ELOVL7: variants seen among roughly 807,000 people sequenced by gnomAD.
ELOVL7 encodes very long chain fatty acid elongase 7.
In ELOVL7, 27 loss-of-function variants were observed where a neutral mutation model predicts 35.7. The observed-to-expected ratio is 0.76, with a 90% CI of 0.56 to 1.04. The LOEUF (loss-of-function observed/expected upper bound fraction) is 1.04, where lower values mean the gene tolerates loss of function less well. Among genes scored for constraint, ELOVL7 ranks in the 50% least tolerant of loss-of-function variants. The pLI is 0.00. For missense variants in ELOVL7, 327 were observed against 340.8 expected (o/e 0.96, Z 0.32); for synonymous variants, 113 against 114.6 (o/e 0.99, Z 0.09).
chr5:60,760,040 G>A (rs1382132967), intron 7 of ELOVL7, among the ~76,000 whole-genome samples: 11 of 152,114 alleles, frequency 7.2e-5, no homozygotes, highest in African/African-American at 2.7e-4. Flanking sequence ...GTCTATCATT[G>A]TTGGACATTT....
chr5:60,839,021 CAA>C (rs34113793), intron 1 of ELOVL7, among the ~76,000 whole-genome samples: 105,502 of 146,146 alleles, frequency 0.72, 38,159 homozygotes, highest in East Asian at 0.85. Context: ...AAAACAGTGT[CAA>C]AAAAAAATAT....
Position 60,764,454 on chromosome 5 carries a change from T to A in ELOVL7, c.394-122A>T. On this transcript the variant is annotated intron_variant, in intron 6 of 8. Transcript: ENST00000508821. ...CATAATTTCCTCTAAAAGTGTTGCC[T>A]TATAGAATGCTTACAGAAGCAGCTA... The A allele has an allele frequency of 8.0e-6, 6 of 749,150 alleles. No individual in the cohort carries two copies. The South Asian group carries it at 1.2e-4, about 15-fold the overall frequency. The allele number at this position is 749,150 out of a possible 1,614,324, so 46.4% of individuals were successfully genotyped here.
At chr5:60,767,092 C>T (rs960468472) in intron 5 of ELOVL7, among the ~76,000 whole-genome samples, 1 of 152,014 alleles carries the variant, frequency 6.6e-6, no homozygotes, top group Non-Finnish European at 1.5e-5. Flanking sequence ...TTTGTTTATC[C>T]ATTTATCTTT....
intron 1 of ELOVL7, among the ~76,000 whole-genome samples, chr5:60,842,429 CAG>C (rs1302094682): frequency 1.4e-5 from 2 of 146,418 alleles, no homozygotes; most frequent in African/African-American, 5.0e-5. Flanking sequence ...ATGGAAAGCA[CAG>C]AATCTTAAGC....
At chr5:60,817,842 GTGTGTGTA>G (rs796887379) in intron 1 of ELOVL7, among the ~76,000 whole-genome samples, 1,664 of 144,858 alleles carry the variant, frequency 0.011, 22 homozygotes, top group South Asian at 0.042. Context: ...GTGTGTGTGT[GTGTGTGTA>G]TATATATATA....
intron 2 of ELOVL7, among the ~76,000 whole-genome samples, chr5:60,791,353 G>A (rs1272523824): frequency 1.3e-5 from 2 of 152,064 alleles, no homozygotes; most frequent in Non-Finnish European, 2.9e-5. Flanking sequence ...ATTAGACACT[G>A]GGGACTTCAA....
At chr5:60,834,290 C>T (rs748855519) in intron 1 of ELOVL7, among the ~76,000 whole-genome samples, 3 of 151,970 alleles carry the variant, frequency 2.0e-5, no homozygotes, top group Admixed American at 6.6e-5. Flanking sequence ...TACAGGTGCC[C>T]GCCACCACAC....
rs563274205 is a variant in ELOVL7, at chr5:60,760,734, T to C, written c.500-3089A>G. Among the ~76,000 whole-genome samples, 5 of 152,312 alleles carry C rather than the reference T, an allele frequency of 3.3e-5. No homozygotes were observed. The East Asian group carries it at 9.6e-4, about 29-fold the overall frequency. ...TTGCCCATGCCTATGTCCTGAATGG[T>C]AATGCTTAGGTTTTCTTCTAGGGTT... On this transcript the variant is annotated intron_variant, in intron 7 of 8. Coordinates refer to ENST00000508821, the MANE Select transcript of ELOVL7 (RefSeq NM_024930.3).
intron 7 of ELOVL7, among the ~76,000 whole-genome samples, chr5:60,760,030 G>A (rs1384263649): frequency 6.6e-6 from 1 of 152,124 alleles, no homozygotes; most frequent in Non-Finnish European, 1.5e-5. Context: ...TCCTAATCCA[G>A]TCTATCATTG....
intron 1 of ELOVL7, among the ~76,000 whole-genome samples, 183 bp downstream of exon 1, chr5:60,843,977 G>A (rs1194293526): frequency 6.6e-6 from 1 of 152,044 alleles, no homozygotes; most frequent in Non-Finnish European, 1.5e-5. Flanking sequence ...GCCCAGGGAG[G>A]GCCTGGCCCC....
At chr5:60,767,784 T>C (rs758054064) in intron 5 of ELOVL7, 39 bp downstream of exon 5, 54 of 1,509,270 alleles carry the variant, frequency 3.6e-5, no homozygotes, top group South Asian at 4.5e-5. Flanking sequence ...AATTTTAACA[T>C]TGATTTTGAA....
chr5:60,823,398 A>G (rs533496924), intron 1 of ELOVL7, among the ~76,000 whole-genome samples: 1 of 152,274 alleles, frequency 6.6e-6, no homozygotes, highest in East Asian at 1.9e-4. Context: ...TGCCTAATTG[A>G]CCTGCCTGGA....
chr5:60,790,669 C>A (rs1401205977), intron 2 of ELOVL7, among the ~76,000 whole-genome samples: 4 of 152,094 alleles, frequency 2.6e-5, no homozygotes, highest in Admixed American at 1.3e-4. Context: ...ATCTCTATAG[C>A]AAAGGTGTAA....
At chr5:60,803,747 T>C (rs928875358) in intron 1 of ELOVL7, among the ~76,000 whole-genome samples, 2 of 152,134 alleles carry the variant, frequency 1.3e-5, no homozygotes, top group Non-Finnish European at 2.9e-5. Context: ...CATCCCCCAA[T>C]AACAATGACA....
At chr5:60,799,899 T>C (rs7709444) in intron 1 of ELOVL7, among the ~76,000 whole-genome samples, 86,992 of 150,860 alleles carry the variant, frequency 0.58, 25,748 homozygotes, top group East Asian at 0.89. Context: ...TAGCCGGGCA[T>C]GGTGGCGCAT....
intron 4 of ELOVL7, among the ~76,000 whole-genome samples, chr5:60,770,958 C>T (rs557801555): frequency 7.7e-4 from 118 of 152,300 alleles, no homozygotes; most frequent in Middle Eastern, 6.8e-3. Context: ...CTTCAGCCTA[C>T]CAAAGTGCTG....
chr5:60,799,739 T>A (rs1008847302), intron 1 of ELOVL7, among the ~76,000 whole-genome samples: 4 of 152,098 alleles, frequency 2.6e-5, no homozygotes, highest in African/African-American at 9.7e-5. Context: ...TACCAAACAT[T>A]TAAAAAATAA....
chr5:60,799,413 G>T (rs149603268), intron 1 of ELOVL7, among the ~76,000 whole-genome samples, 183 bp from the exon 2 acceptor site: 2 of 151,906 alleles, frequency 1.3e-5, no homozygotes, highest in African/African-American at 4.8e-5. Flanking sequence ...TATCTAAAAA[G>T]TTCAACAAAA....
intron 3 of ELOVL7, chr5:60,783,984 G>A (rs1743414168): frequency 1.3e-5 from 8 of 617,206 alleles, no homozygotes; most frequent in East Asian, 1.1e-4. Flanking sequence ...CAGGCTGTCT[G>A]ACAGTCTATA....
Sources: allele counts gnomAD v4.1 joint callset (sites outside exome capture counted in the v4.1 genomes callset), GRCh38; gene constraint gnomAD v4.1.1; transcripts MANE v1.5; gene names NCBI Gene and HGNC (gene_info 2026-07-23, HGNC 2026-07-21).